Variants in KRT12 observed in about 807,000 individuals in gnomAD.
KRT12 encodes keratin 12.
Under a neutral mutation model 50.2 loss-of-function variants are expected in KRT12, and 43 were observed. The ratio of observed to expected loss-of-function variants is 0.86; its 90% CI spans 0.67 to 1.11. KRT12 has a LOEUF of 1.11. KRT12 is among the 50% of genes least tolerant of loss of function. The pLI is 0.00. For synonymous variants in KRT12, 257 were observed against 253.6 expected, an observed-to-expected ratio of 1.01 and a Z score of -0.13; for missense variants, 588 against 625.6, an observed-to-expected ratio of 0.94 and a Z score of 0.64.
In KRT12 at chr17:40,863,953, T is replaced by TACACACACAA; in HGVS notation, c.808-90_808-89insTTGTGTGTGT. On this transcript the variant is annotated intron_variant, in intron 3 of 7. Transcript: ENST00000251643. The surrounding 1 kb of genome is among the most constrained non-coding windows in gnomAD (Gnocchi z 4.2). ...ACTTTTGTCCTCTTGGGCCCCTTCC[T>TACACACACAA]ACACACACACACACACACACACACA... 3.9e-6 allele frequency: 2 copies of TACACACACAA among 512,176 alleles called. No homozygotes were observed. Among genetic ancestry groups the TACACACACAA allele is most frequent in the Non-Finnish European group, 6.7e-6 (2 of 297,302 alleles). The allele number at this position is 512,176 out of a possible 1,614,324, so 31.7% of individuals were successfully genotyped here. A position where few individuals can be genotyped will look rare whatever the true frequency, so the allele number is the denominator to read the frequency against.
At chr17:40,866,484 A>T in intron 1 of KRT12, 136 bp downstream of exon 1, 1 of 808,056 alleles carries the variant, frequency 1.2e-6, no homozygotes, top group East Asian at 2.6e-5. Flanking sequence ...GGAGTGAAAC[A>T]ACCTGGGATG....
chr17:40,862,171 C>T (rs868133432), intron 7 of KRT12, among the ~76,000 whole-genome samples: 3 of 152,068 alleles, frequency 2.0e-5, no homozygotes, highest in Non-Finnish European at 4.4e-5. Flanking sequence ...CGGGCTCAAG[C>T]GGTCCTCCTG....
chr17:40,862,606 G>T lies in KRT12; in HGVS notation c.1346C>A (p.Thr449Lys). The part of the protein sequence containing the change: ...GDGLEESLFV[T>K]DSKSQAQSTD... ...TGACTGTGCTTGTGATTTGGAGTCTGTCACAAATAAACTTTCCTCCAAACC... is the reference window on the plus strand; with the variant it reads ...TGACTGTGCTTGTGATTTGGAGTCTTTCACAAATAAACTTTCCTCCAAACC... The change falls in exon 7 of 8, where the codon ACA becomes AAA. Residue 449 changes from threonine to lysine, a missense_variant. Physicochemically the swap from Thr to Lys is moderately conservative, Grantham distance 78 (BLOSUM62 -1). Transcript: ENST00000251643. 1 of 1,613,428 alleles carries T rather than the reference G, an allele frequency of 6.2e-7. No individual in the cohort carries two copies. The highest frequency in any genetic ancestry group is 8.5e-7 in the Non-Finnish European group (1 of 1,179,370).
intron 7 of KRT12, 117 bp downstream of exon 7, chr17:40,862,448 A>G (rs2143254099): frequency 1.3e-6 from 1 of 766,164 alleles, no homozygotes; most frequent in South Asian, 1.4e-5. Context: ...GGCTCAGAAT[A>G]TAAATATGCT....
Position 40,866,668 on chromosome 17 carries a change from C to T in KRT12, c.519G>A (p.Gln173=). The T allele has an allele frequency of 1.2e-6, 2 of 1,614,200 alleles. No individual in the cohort carries two copies. The highest frequency in any genetic ancestry group is 2.2e-5 in the East Asian group (1 of 44,878). Residue 173 remains glutamine, a synonymous_variant, in exon 1 of 8, where the codon CAG becomes CAA. Transcript: ENST00000251643. ...TRGTGTADAS[Q]SDYSKYYPLI... is the part of the protein sequence containing the mutation. ...GTGGATAATATTTGCTGTAATCGCT[C>T]TGTGAAGCATCTGCAGTCCCAGTTC... is the stretch of plus-strand genomic sequence containing the variant.
rs59624313 is a variant in KRT12 at position 40,863,413 on chromosome 17, C to T, written c.1096-70G>A. ...CCGAAAAGAGGAGGGTAGCCAACGG[C>T]TAATGTAATTTGGATGCAGCATTTT... On this transcript the variant is annotated intron_variant, in intron 5 of 7. Transcript: ENST00000251643. This position sits in a 1 kb window ranked among gnomAD's most constrained non-coding sequence, Gnocchi z 4.2. 5.4e-4 allele frequency: 864 copies of T among 1,613,938 alleles called. 8 individuals carry two copies. The African/African-American group carries it at 9.2e-3, about 17-fold the overall frequency.
At chr17:40,866,087 T>G in intron 2 of KRT12, 68 bp downstream of exon 2, 1 of 1,202,268 alleles carries the variant, frequency 8.3e-7, no homozygotes, top group Non-Finnish European at 1.2e-6. Flanking sequence ...TTTATATCAA[T>G]GAAGGCAGGA....
rs1325261916 is a variant in KRT12, at chr17:40,866,695, T to C, written c.492A>G (p.Arg164=). ...ENKIREWYET[R]GTGTADASQS... is the part of the protein sequence containing the mutation. ...GTGAAGCATCTGCAGTCCCAGTTCC[T>C]CGTGTTTCATACCATTCTCGAATTT... is the stretch of plus-strand genomic sequence containing the variant. Residue 164 remains arginine, a synonymous_variant, in exon 1 of 8, where the codon CGA becomes CGG. Coordinates refer to ENST00000251643, the MANE Select transcript of KRT12 (RefSeq NM_000223.4). 24 of 1,614,232 alleles carry C rather than the reference T, an allele frequency of 1.5e-5. No individual in the cohort carries two copies. Among genetic ancestry groups the C allele is most frequent in the Non-Finnish European group, 1.9e-5 (23 of 1,180,032 alleles).
In KRT12 at chr17:40,867,097, G is replaced by A; in HGVS notation, c.90C>T (p.Pro30=). 2 of 1,613,962 alleles carry A rather than the reference G, an allele frequency of 1.2e-6. No homozygotes were observed. Among genetic ancestry groups the A allele is most frequent in the Non-Finnish European group, 1.7e-6 (2 of 1,179,976 alleles). ...CAACACTGGAAGCAGACATGCCCCT[G>A]GGTCTGCCTATCACACTCTGCGAGG... ...RLSSQSVIGR[P]RGMSASSVGS... The change falls in exon 1 of 8, where the codon CCC becomes CCT. Residue 30 remains proline (P), a synonymous_variant. Coordinates refer to ENST00000251643, the MANE Select transcript of KRT12 (RefSeq NM_000223.4).
intron 2 of KRT12, among the ~76,000 whole-genome samples, chr17:40,865,307 G>A (rs1349176708): frequency 2.6e-5 from 4 of 152,174 alleles, no homozygotes; most frequent in South Asian, 4.1e-4. Context: ...TCTAAAAGCC[G>A]TTGAAAATAA....
intron 7 of KRT12, among the ~76,000 whole-genome samples, chr17:40,862,172 G>A (rs142741151): frequency 2.0e-5 from 3 of 152,006 alleles, no homozygotes; most frequent in Admixed American, 6.6e-5. Context: ...GGGCTCAAGC[G>A]GTCCTCCTGC....
chr17:40,862,565 CT>C lies in KRT12; in HGVS notation c.1386del (p.Asp463ThrfsTer16). On this transcript the variant is annotated frameshift_variant and splice_region_variant, in exon 7 of 8. Coordinates refer to ENST00000251643, the MANE Select transcript of KRT12 (RefSeq NM_000223.4). LOFTEE classifies it high-confidence loss of function. ...KSQAQSTDSSKDPTKTRKIKT... is the reference protein window; with the variant it reads ...KSQAQSTDSSXDPTKTRKIKT... ...AAGTGATTCTAGGGTTTCTGCATAC[CT>C]TTAGAGGAATCAGTTGACTGTGCTT... The C allele has an allele frequency of 6.2e-7, 1 of 1,608,664 alleles. No individual in the cohort carries two copies. Among genetic ancestry groups the C allele is most frequent in the South Asian group, 1.1e-5 (1 of 90,946 alleles).
Position 40,863,452 on chromosome 17 carries a change from A to G in KRT12, c.1095+33T>C, listed in dbSNP as rs201733912. On this transcript the variant is annotated intron_variant, in intron 5 of 7. Coordinates refer to ENST00000251643, the MANE Select transcript of KRT12 (RefSeq NM_000223.4). The surrounding 1 kb of genome is among the most constrained non-coding windows in gnomAD (Gnocchi z 4.2). The stretch of plus-strand genomic sequence containing the variant: ...ATGCAGCATTTTCTTTGGAAGTCCA[A>G]AGGATGCTACGTCTGTTTGCGCACG... The G allele has an allele frequency of 5.5e-4, 891 of 1,614,250 alleles. 1 individual carries two copies. The highest frequency in any genetic ancestry group is 7.8e-4 in the Admixed American group (47 of 60,032).
chr17:40,867,065 C>A lies in KRT12; in HGVS notation c.122G>T (p.Gly41Val). 6.2e-7 allele frequency: 1 copy of A among 1,612,382 alleles called. No individual in the cohort carries two copies. Among genetic ancestry groups the A allele is most frequent in the Non-Finnish European group, 8.5e-7 (1 of 1,178,898 alleles). ...AAAGCCAAAGGCACTTCCCCCATAA[C>A]CACTTCCAACACTGGAAGCAGACAT... The part of the protein sequence containing the change: ...RGMSASSVGS[G>V]YGGSAFGFGA... The change falls in exon 1 of 8, where the codon GGT becomes GTT. Residue 41 changes from glycine (G) to valine (V), a missense_variant. Coordinates refer to ENST00000251643, the MANE Select transcript of KRT12 (RefSeq NM_000223.4).
Position 40,866,684 on chromosome 17 carries a change from G to T in KRT12, c.503C>A (p.Thr168Asn). ...REWYETRGTGTADASQSDYSK... is the reference protein window; with the variant it reads ...REWYETRGTGNADASQSDYSK... ...GTAATCGCTCTGTGAAGCATCTGCA[G>T]TCCCAGTTCCTCGTGTTTCATACCA... Residue 168 changes from threonine (T) to asparagine (N), a missense_variant, in exon 1 of 8, where the codon ACT (threonine) becomes AAT (asparagine). By Grantham distance (65) the Thr-to-Asn change is moderately conservative (BLOSUM62 0). Transcript: ENST00000251643. 1 of 1,614,152 alleles carries T rather than the reference G, an allele frequency of 6.2e-7. No homozygotes were observed. The highest frequency in any genetic ancestry group is 1.1e-5 in the South Asian group (1 of 91,084).
intron 3 of KRT12, among the ~76,000 whole-genome samples, chr17:40,864,281 C>T (rs1906925990): frequency 6.6e-6 from 1 of 152,050 alleles, no homozygotes; most frequent in Non-Finnish European, 1.5e-5. Flanking sequence ...CAGACAGTAC[C>T]TGGGCTTGCA....
rs1390842687 is a variant in KRT12 at position 40,866,310 on chromosome 17, C to A, written c.568-73G>T. On this transcript the variant is annotated intron_variant, in intron 1 of 7. Coordinates refer to ENST00000251643, the MANE Select transcript of KRT12 (RefSeq NM_000223.4). Reference sequence around the variant, plus strand: ...GTATTATACAAATATATTTTTGACACAAAGGTGAAAATGGTGATATTAAAT... The same window carrying A: ...GTATTATACAAATATATTTTTGACAAAAAGGTGAAAATGGTGATATTAAAT... 7.3e-6 allele frequency: 9 copies of A among 1,226,188 alleles called. No homozygotes were observed. The South Asian group carries it at 1.0e-4, about 14-fold the overall frequency. The allele number at this position is 1,226,188 out of a possible 1,614,324, so 76.0% of individuals were successfully genotyped here.
rs748892293 is a variant in KRT12, at chr17:40,866,870, C to G, written c.317G>C (p.Gly106Ala). Residue 106 changes from glycine to alanine, a missense_variant, in exon 1 of 8, where the codon GGA (glycine) becomes GCA (alanine). Physicochemically the swap from Gly to Ala is moderately conservative, Grantham distance 60. Transcript: ENST00000251643. ...GLGMGFGGSP[G>A]GGSLGILSGN... ...CGAGAGAATACCTAGAGAGCCACCTCCTGGGCTGCCCCCAAATCCCATCCC... is the reference window on the plus strand; with the variant it reads ...CGAGAGAATACCTAGAGAGCCACCTGCTGGGCTGCCCCCAAATCCCATCCC... 1.3e-5 allele frequency: 21 copies of G among 1,614,060 alleles called. No homozygotes were observed. Among genetic ancestry groups the G allele is most frequent in the Non-Finnish European group, 1.7e-5 (20 of 1,180,042 alleles).
Position 40,866,764 on chromosome 17 carries a change from A to G in KRT12, c.423T>C (p.Asp141=), listed in dbSNP as rs1287145019. 6.2e-7 allele frequency: 1 copy of G among 1,614,138 alleles called. No individual in the cohort carries two copies. The highest frequency in any genetic ancestry group is 2.2e-5 in the East Asian group (1 of 44,874). The change falls in exon 1 of 8, where the codon GAT becomes GAC. Residue 141 remains aspartate (D), a synonymous_variant. Transcript: ENST00000251643. ...TAGCCTCTTCTAGAGCTCGCACCTT[A>G]TCCAGGTAGGAAGCTAATCTATCAT... ...NLNDRLASYL[D]KVRALEEANT... is the part of the protein sequence containing the mutation.
Sources: allele counts gnomAD v4.1 joint callset (sites outside exome capture counted in the v4.1 genomes callset), GRCh38; gene constraint gnomAD v4.1.1; non-coding constraint Gnocchi (gnomAD v3.1); transcripts MANE v1.5; gene names NCBI Gene and HGNC (gene_info 2026-07-23, HGNC 2026-07-21).